Variants in ESRRG observed in about 807,000 individuals in gnomAD.
The protein encoded by ESRRG is estrogen-related receptor gamma.
Under a neutral mutation model 44.0 loss-of-function variants are expected in ESRRG, and 13 were observed. The ratio of observed to expected loss-of-function variants is 0.30; its 90% CI spans 0.19 to 0.47. The LOEUF (loss-of-function observed/expected upper bound fraction) is 0.47. Among genes scored for constraint, ESRRG ranks in the 20% least tolerant of loss-of-function variants. The pLI is 1.00. For missense variants in ESRRG, 395 were observed against 580.6 expected, an observed-to-expected ratio of 0.68 and a Z score of 3.29; for synonymous variants, 215 against 214.6, an observed-to-expected ratio of 1.00 and a Z score of -0.02.
chr1:216,806,718 A>T (rs2094804983), intron 2 of ESRRG, among the ~76,000 whole-genome samples: 1 of 152,110 alleles, frequency 6.6e-6, no homozygotes, highest in African/African-American at 2.4e-5. Flanking sequence ...AGAAATACTG[A>T]GCTTGAGGAA....
intron 2 of ESRRG, among the ~76,000 whole-genome samples, chr1:216,869,982 G>A (rs948468376): frequency 2.0e-5 from 3 of 151,750 alleles, no homozygotes; most frequent in Non-Finnish European, 4.4e-5. Context: ...AAATCAAGTC[G>A]CCTGTGTTTT....
chr1:216,561,893 C>T (rs1293926403), intron 5 of ESRRG, among the ~76,000 whole-genome samples: 1 of 152,122 alleles, frequency 6.6e-6, no homozygotes, highest in Non-Finnish European at 1.5e-5. Context: ...CAATTCTAAG[C>T]CTCAGCTTAA....
At chr1:216,851,295 T>C (rs777766343) in intron 2 of ESRRG, among the ~76,000 whole-genome samples, 24 of 152,206 alleles carry the variant, frequency 1.6e-4, no homozygotes, top group Non-Finnish European at 2.5e-4. Context: ...ACAAGATGCA[T>C]GTGCTGCTTT....
chr1:216,790,377 CT>C (rs904746043), intron 2 of ESRRG, among the ~76,000 whole-genome samples: 10 of 151,992 alleles, frequency 6.6e-5, no homozygotes, highest in Admixed American at 5.9e-4. Flanking sequence ...ATTATATTTG[CT>C]TTTTTTAACC....
chr1:216,744,484 G>GCACACA (rs57621941), intron 2 of ESRRG, among the ~76,000 whole-genome samples: 9 of 149,610 alleles, frequency 6.0e-5, no homozygotes, highest in South Asian at 4.2e-4. Flanking sequence ...ACACAGACAT[G>GCACACA]CACACACACA....
Position 217,118,090 on chromosome 1 carries a change from T to C in ESRRG, c.-230+19577A>G, listed in dbSNP as rs574380339. Among the ~76,000 whole-genome samples the C allele has an allele frequency of 1.8e-4, 27 of 152,334 alleles. 1 individual carries two copies. The East Asian group carries it at 4.8e-3, about 27-fold the overall frequency. ...CCTGTTCTAAGCATTTTACTGATAA[T>C]AACACTTAAAATTCTCTCAACAACC... On this transcript the variant is annotated intron_variant, in intron 1 of 8. Coordinates refer to the ESRRG transcript ENST00000366940.
At chr1:216,957,295 T>C (rs2068132134) in intron 1 of ESRRG, among the ~76,000 whole-genome samples, 1 of 152,170 alleles carries the variant, frequency 6.6e-6, no homozygotes, top group African/African-American at 2.4e-5. Context: ...GAATACCATA[T>C]ATGTACTTAC....
intron 2 of ESRRG, among the ~76,000 whole-genome samples, chr1:216,793,166 C>CTTCTTTG (rs1186429656): frequency 6.6e-6 from 1 of 152,116 alleles, no homozygotes; most frequent in African/African-American, 2.4e-5. Context: ...TCTGATCATG[C>CTTCTTTG]TTCTTTGTTG....
In ESRRG at chr1:216,763,466, T is replaced by C. The variant is rs1576286931; in HGVS notation, c.-13-85975A>G. Among the ~76,000 whole-genome samples, 4 of 151,930 alleles carry C rather than the reference T, an allele frequency of 2.6e-5. No homozygotes were observed. The South Asian group carries it at 8.3e-4, about 32-fold the overall frequency. ...CTAACCAGTAAGGTGTATCAGAGGA[T>C]AAGTGGGAGAGGGAGTGTGAGGGGA... On this transcript the variant is annotated intron_variant, in intron 2 of 7. Transcript: ENST00000359162.
At chr1:216,574,501 T>A (rs1174525038) in intron 3 of ESRRG, among the ~76,000 whole-genome samples, 1 of 152,166 alleles carries the variant, frequency 6.6e-6, no homozygotes, top group Admixed American at 6.6e-5. Flanking sequence ...ATTTTTCACA[T>A]CTTTAATAGC....
At chr1:216,969,976 G>T (rs1228298989) in intron 1 of ESRRG, among the ~76,000 whole-genome samples, 1 of 152,154 alleles carries the variant, frequency 6.6e-6, no homozygotes, top group Non-Finnish European at 1.5e-5. Context: ...ACTGAGGTGT[G>T]AATTCTCTTG....
At chr1:216,790,311 T>C (rs1352158631) in intron 2 of ESRRG, among the ~76,000 whole-genome samples, 1 of 152,214 alleles carries the variant, frequency 6.6e-6, no homozygotes, top group African/African-American at 2.4e-5. Flanking sequence ...AGTATGATGC[T>C]GTGGGAAAGT....
chr1:216,733,775 G>A (rs1294886901), intron 2 of ESRRG, among the ~76,000 whole-genome samples: 1 of 151,998 alleles, frequency 6.6e-6, no homozygotes, highest in African/African-American at 2.4e-5. Context: ...CGGATCACCT[G>A]AAGTCAGGAG....
At chr1:216,657,892 T>C (rs1430510882) in intron 2 of ESRRG, among the ~76,000 whole-genome samples, 2 of 152,160 alleles carry the variant, frequency 1.3e-5, no homozygotes, top group Non-Finnish European at 2.9e-5. Flanking sequence ...TAGCATTCTA[T>C]AGGATTAAAT....
rs1201319320 is a variant in ESRRG at position 216,999,542 on chromosome 1, G to A, written c.-105-59869C>T. Among the ~76,000 whole-genome samples the A allele has an allele frequency of 2.0e-5, 3 of 152,068 alleles. No individual in the cohort carries two copies. In the East Asian group the frequency reaches 5.8e-4, roughly 29 times the overall value. On this transcript the variant is annotated intron_variant, in intron 1 of 7. Coordinates refer to the ESRRG transcript ENST00000359162. ...ACACTGGGATTCAAGCCCATCCCAG[G>A]TCTATCGGACTCCAAATTTCTCATT... is the stretch of plus-strand genomic sequence containing the variant.
At chr1:216,668,050 T>G (rs1027889564) in intron 2 of ESRRG, among the ~76,000 whole-genome samples, 1 of 151,810 alleles carries the variant, frequency 6.6e-6, no homozygotes, top group Non-Finnish European at 1.5e-5. Flanking sequence ...TGAGCCAAGA[T>G]CACACCATTG....
chr1:216,986,593 G>A (rs969446474), intron 1 of ESRRG, among the ~76,000 whole-genome samples: 8 of 151,688 alleles, frequency 5.3e-5, no homozygotes, highest in East Asian at 3.9e-4. Flanking sequence ...CTGGAGTGGC[G>A]GGGCATGGCT....
chr1:216,562,610 G>A (rs771143557), intron 5 of ESRRG, among the ~76,000 whole-genome samples: 3 of 151,932 alleles, frequency 2.0e-5, no homozygotes, highest in South Asian at 2.1e-4. Context: ...CATGGGTGCC[G>A]CTAAACCTCC....
chr1:216,581,749 C>T (rs757527145), intron 3 of ESRRG, among the ~76,000 whole-genome samples: 1 of 152,166 alleles, frequency 6.6e-6, no homozygotes, highest in Non-Finnish European at 1.5e-5. Flanking sequence ...TATTTATTGC[C>T]TTGTGGGAGT....
Sources: gnomAD v4.1 joint callset for allele counts (sites outside exome capture counted in the v4.1 genomes callset) on GRCh38, gnomAD v4.1.1 for gene constraint, MANE v1.5 for transcripts, NCBI Gene and HGNC (gene_info 2026-07-23, HGNC 2026-07-21) for gene names.